DBH: variants seen among roughly 807,000 people sequenced by gnomAD.
DBH encodes dopamine beta-hydroxylase (dopamine beta-monooxygenase).
A neutral mutation model predicts 64.0 loss-of-function variants in DBH; 49 were observed. The ratio of observed to expected loss-of-function variants is 0.77; its 90% CI spans 0.61 to 0.97. DBH has a LOEUF of 0.97. Among genes scored for constraint, DBH ranks in the 50% least tolerant of loss-of-function variants. DBH has a pLI of 0.00. For missense variants in DBH, 828 were observed against 826.6 expected (o/e 1.00, Z -0.02); for synonymous variants, 343 against 347.1 (o/e 0.99, Z 0.13).
At position 133,643,985 on chromosome 9, in the gene DBH, A is replaced by G. The variant is rs936349467; in HGVS notation, c.922-233A>G. Among the ~76,000 whole-genome samples, 1 of 151,970 alleles carries G rather than the reference A, an allele frequency of 6.6e-6. No homozygotes were observed. The highest frequency in any genetic ancestry group is 1.9e-4 in the East Asian group (1 of 5,162). On this transcript the variant is annotated intron_variant, in intron 4 of 11. Coordinates refer to ENST00000393056, the MANE Select transcript of DBH (RefSeq NM_000787.4). The surrounding 1 kb of genome is among the most constrained non-coding windows in gnomAD (Gnocchi z 5.3). ...CCGTCTAGAGAAGGGGTTTTGGGGGAAGGCTCAGCCCTAGGCACCAGCTCC... is the reference window on the plus strand; with the variant it reads ...CCGTCTAGAGAAGGGGTTTTGGGGGGAGGCTCAGCCCTAGGCACCAGCTCC...
chr9:133,655,211 G>A (rs1040787964), intron 9 of DBH: 1 of 152,290 alleles, frequency 6.6e-6, no homozygotes, highest in African/African-American at 2.4e-5. Context: ...AAAGGGGAGG[G>A]CAGCTCCCCA....
At chr9:133,641,060 G>A (rs1047660852) in intron 2 of DBH, among the ~76,000 whole-genome samples, 4 of 152,190 alleles carry the variant, frequency 2.6e-5, no homozygotes, top group African/African-American at 9.7e-5. Context: ...GGCTTGGGAC[G>A]GGTTGGAGGG....
intron 1 of DBH, 134 bp from the exon 2 acceptor site, chr9:133,639,712 C>T (rs1832093547): frequency 1.0e-6 from 1 of 957,922 alleles, no homozygotes; most frequent in East Asian, 2.6e-5. Context: ...CCCTCAGATC[C>T]ACAGGGACTG....
chr9:133,648,043 T>TC (rs1453213314), intron 6 of DBH, 31 bp downstream of exon 6: 2 of 1,596,394 alleles, frequency 1.3e-6, no homozygotes, highest in African/African-American at 2.7e-5. Flanking sequence ...CACTGCACCC[T>TC]CCCTCCTCCC....
At chr9:133,640,618 A>T (rs1832107109) in intron 2 of DBH, among the ~76,000 whole-genome samples, 2 of 152,254 alleles carry the variant, frequency 1.3e-5, no homozygotes, top group Admixed American at 1.3e-4. Context: ...TTTTAACTCT[A>T]GCACACCTGA....
At chr9:133,650,547 C>CTT (rs778173492) in intron 6 of DBH, among the ~76,000 whole-genome samples, 3 of 89,792 alleles carry the variant, frequency 3.3e-5, no homozygotes, top group African/African-American at 4.2e-5. Context: ...TTCTTCCTTC[C>CTT]TTTCTTTTTT....
In DBH at chr9:133,658,454, ACCTACTCCT is replaced by A. The variant is rs767668834; in HGVS notation, c.*10_*18del. On this transcript the variant is annotated 3_prime_UTR_variant, in exon 12 of 12. Coordinates refer to ENST00000393056, the MANE Select transcript of DBH (RefSeq NM_000787.4). ...TGGTGGGGGCAAAGGCTGAGGGGGG[ACCTACTCCT>A]CCCCCTCCTCCATGCTGTCCCTGTG... 6.2e-7 allele frequency: 1 copy of A among 1,601,708 alleles called. No individual in the cohort carries two copies. The highest frequency in any genetic ancestry group is 1.3e-5 in the African/African-American group (1 of 74,572).
At chr9:133,636,991 C>T (rs184293304) in intron 1 of DBH, among the ~76,000 whole-genome samples, 7 of 152,256 alleles carry the variant, frequency 4.6e-5, no homozygotes, top group Middle Eastern at 3.4e-3. Context: ...ACACAGAGGA[C>T]GCACACACCA....
intron 1 of DBH, among the ~76,000 whole-genome samples, chr9:133,639,445 G>A (rs912311888): frequency 6.6e-6 from 1 of 152,084 alleles, no homozygotes; most frequent in African/African-American, 2.4e-5. Flanking sequence ...ATGAATGTGG[G>A]CAGCATTGGT....
chr9:133,648,241 T>C (rs1337185297), intron 6 of DBH, among the ~76,000 whole-genome samples: 2 of 152,244 alleles, frequency 1.3e-5, no homozygotes, highest in African/African-American at 4.8e-5. Flanking sequence ...CTCCCACTAG[T>C]CCACACCCAC....
chr9:133,656,066 C>T (rs956732234), intron 9 of DBH: 14 of 294,332 alleles, frequency 4.8e-5, no homozygotes, highest in Non-Finnish European at 8.0e-5. Flanking sequence ...TGCGGGGCTG[C>T]AGTGGAAAGG....
At position 133,659,048 on chromosome 9, in the gene DBH, AACT is replaced by A. The variant is rs1315293436; in HGVS notation, c.*603_*605del. 6.6e-6 allele frequency: 1 copy of A among 152,216 alleles called. No individual in the cohort carries two copies. The highest frequency in any genetic ancestry group is 1.5e-5 in the Non-Finnish European group (1 of 68,046). The allele number at this position is 152,216 out of a possible 1,614,324, so 9.4% of individuals were successfully genotyped here. Reference sequence around the variant, plus strand: ...CCACCTAAAGGGAAGCCCTGACAACAACTATCACCAAAAGACGAGGCGGCAAAG... The same window carrying A: ...CCACCTAAAGGGAAGCCCTGACAACAATCACCAAAAGACGAGGCGGCAAAG... On this transcript the variant is annotated 3_prime_UTR_variant, in exon 12 of 12. Transcript: ENST00000393056.
chr9:133,647,090 G>A (rs1832190391), intron 5 of DBH, among the ~76,000 whole-genome samples: 1 of 152,224 alleles, frequency 6.6e-6, no homozygotes, highest in South Asian at 2.1e-4. Context: ...GCCTGTGCAT[G>A]AACGGGGGCT....
chr9:133,636,378 G>A lies in DBH; in HGVS notation c.7G>A (p.Ala3Thr), dbSNP rs758863303. 61 of 1,608,748 alleles carry A rather than the reference G, an allele frequency of 3.8e-5. No homozygotes were observed. The highest frequency in any genetic ancestry group is 2.0e-4 in the East Asian group (9 of 44,886). MPALSRWASLPGP... is the reference protein window; with the variant it reads MPTLSRWASLPGP... The stretch of plus-strand genomic sequence containing the variant: ...CAGAGAGCTCACCCCAGCCATGCCC[G>A]CCCTCAGTCGCTGGGCCAGCCTGCC... Residue 3 changes from alanine (A) to threonine (T), a missense_variant, in exon 1 of 12, where the codon GCC becomes ACC. By Grantham distance (58) the Ala-to-Thr change is moderately conservative (BLOSUM62 0). Transcript: ENST00000393056.
intron 6 of DBH, among the ~76,000 whole-genome samples, chr9:133,649,895 C>T (rs1432709644): frequency 6.6e-6 from 1 of 152,240 alleles, no homozygotes; most frequent in Non-Finnish European, 1.5e-5. Flanking sequence ...CAGAGTCCTC[C>T]ACTACCTTAA....
chr9:133,637,253 A>C (rs531530304), intron 1 of DBH, among the ~76,000 whole-genome samples: 53 of 152,374 alleles, frequency 3.5e-4, no homozygotes, highest in Admixed American at 1.6e-3. Context: ...GTGTTGAACA[A>C]GCCCCACAGG....
At position 133,643,419 on chromosome 9, in the gene DBH, C is replaced by T; in HGVS notation, c.751C>T (p.Pro251Ser). Residue 251 changes from proline to serine, a missense_variant, in exon 4 of 12, where the codon CCC becomes TCC. Pro to Ser is a moderately conservative substitution (Grantham distance 74). Transcript: ENST00000393056. The surrounding 1 kb of genome is among the most constrained non-coding windows in gnomAD (Gnocchi z 5.3). The part of the protein sequence containing the change: ...FSRHHIIKYE[P>S]IVTKGNEALV... ...GAGGGCTGCCTCCTCACAGTACGAGCCCATCGTCACCAAGGGCAATGAGGC... is the reference window on the plus strand; with the variant it reads ...GAGGGCTGCCTCCTCACAGTACGAGTCCATCGTCACCAAGGGCAATGAGGC... The T allele has an allele frequency of 6.2e-7, 1 of 1,613,834 alleles. No homozygotes were observed. Among genetic ancestry groups the T allele is most frequent in the Non-Finnish European group, 8.5e-7 (1 of 1,180,006 alleles).
At chr9:133,645,000 C>T (rs10993947) in intron 5 of DBH, among the ~76,000 whole-genome samples, 12,619 of 152,288 alleles carry the variant, frequency 0.083, 618 homozygotes, top group African/African-American at 0.13. Context: ...CGCAGAAGCA[C>T]ACACATGCAC....
At chr9:133,644,425 T>G (rs769633004) in intron 5 of DBH, 105 bp downstream of exon 5, 1 of 902,904 alleles carries the variant, frequency 1.1e-6, no homozygotes, top group Non-Finnish European at 1.8e-6. Flanking sequence ...GCCCCCGCTG[T>G]ACAGCTCCTC....
Sources: allele counts gnomAD v4.1 joint callset (sites outside exome capture counted in the v4.1 genomes callset), GRCh38; gene constraint gnomAD v4.1.1; non-coding constraint Gnocchi (gnomAD v3.1); transcripts MANE v1.5; gene names NCBI Gene and HGNC (gene_info 2026-07-23, HGNC 2026-07-21).